The following ESR1 variants were observed in gnomAD, a reference collection of about 807,000 sequenced individuals.
ESR1 encodes the protein estrogen receptor 1, also known as estrogen receptor.
In ESR1, 12 loss-of-function variants were observed where a neutral mutation model predicts 52.7. That is an observed-to-expected ratio of 0.23 (90% CI 0.15 to 0.37). The LOEUF is 0.37. Ranked by LOEUF, ESR1 falls within the 10% of genes least tolerant of loss-of-function variation. ESR1 has a pLI of 1.00. For missense variants in ESR1, 584 were observed against 779.7 expected, an observed-to-expected ratio of 0.75 and a Z score of 2.99; for synonymous variants, 305 against 316.8, an observed-to-expected ratio of 0.96 and a Z score of 0.39.
chr6:151,776,919 G>GAGAT lies in ESR1; in HGVS notation c.-70-30922_-70-30919dup, dbSNP rs1429070506. Among the ~76,000 whole-genome samples, 9 of 151,834 alleles carry GAGAT rather than the reference G, an allele frequency of 5.9e-5. No homozygotes were observed. In the East Asian group the frequency reaches 1.5e-3, roughly 26 times the overall value. Reference sequence around the variant, plus strand: ...GCTGGAGAAGGCATTTTTTTATAGGGAGATATACGTGAGTTTGACGGGATG... The same window carrying GAGAT: ...GCTGGAGAAGGCATTTTTTTATAGGGAGATAGATATACGTGAGTTTGACGGGATG... On this transcript the variant is annotated intron_variant, in intron 2 of 2. Transcript: ENST00000404742.
At chr6:151,926,462 A>C (rs1211953024) in intron 3 of ESR1, among the ~76,000 whole-genome samples, 5 of 152,178 alleles carry the variant, frequency 3.3e-5, no homozygotes, top group African/African-American at 1.2e-4. Context: ...ATTGAATAAT[A>C]TGAACATGTA....
chr6:151,967,482 A>G (rs1188713451), intron 4 of ESR1, among the ~76,000 whole-genome samples: 2 of 152,028 alleles, frequency 1.3e-5, no homozygotes, highest in East Asian at 3.9e-4. Context: ...ATGGTTTCCA[A>G]CTTCATCCAT....
chr6:152,035,235 C>T (rs1235812555), intron 5 of ESR1, among the ~76,000 whole-genome samples: 2 of 151,630 alleles, frequency 1.3e-5, no homozygotes, highest in East Asian at 1.9e-4. Flanking sequence ...AATCAATATA[C>T]CAAAGATCAA....
At chr6:151,698,262 A>C (rs891626708) in intron 1 of ESR1, among the ~76,000 whole-genome samples, 6 of 151,896 alleles carry the variant, frequency 4.0e-5, no homozygotes, top group Non-Finnish European at 8.8e-5. Context: ...GCTACTTGAG[A>C]GGCTGAGGTG....
chr6:152,055,574 T>C (rs1365679845), intron 5 of ESR1, among the ~76,000 whole-genome samples: 1 of 152,232 alleles, frequency 6.6e-6, no homozygotes, highest in East Asian at 1.9e-4. Context: ...CCAAAAACTG[T>C]TGGTTCTTCC....
intron 2 of ESR1, among the ~76,000 whole-genome samples, chr6:151,872,760 C>G (rs1280780029): frequency 4.6e-5 from 7 of 152,146 alleles, no homozygotes; most frequent in Non-Finnish European, 8.8e-5. Flanking sequence ...CAAAGCATCA[C>G]TCAGGAGTCA....
At chr6:151,830,504 GCTCT>G (rs151011860) in intron 1 of ESR1, among the ~76,000 whole-genome samples, 1 of 150,738 alleles carries the variant, frequency 6.6e-6, no homozygotes, top group Admixed American at 6.6e-5. Flanking sequence ...TCAAATTGCA[GCTCT>G]CTCTCTCTCT....
chr6:152,127,717 T>C (rs1416787839), exon 7 of ESR1: 1 of 152,162 alleles, frequency 6.6e-6, no homozygotes, highest in Non-Finnish European at 1.5e-5. Flanking sequence ...GGCTCTGTGC[T>C]GAGGCTCTTT....
intron 2 of ESR1, among the ~76,000 whole-genome samples, chr6:151,778,153 G>C (rs565861678): frequency 3.9e-5 from 6 of 152,152 alleles, no homozygotes; most frequent in African/African-American, 1.4e-4. Context: ...TTTTTAAGAA[G>C]AGAAATGTTG....
chr6:151,785,354 G>T (rs375445115), intron 2 of ESR1, among the ~76,000 whole-genome samples: 1 of 152,156 alleles, frequency 6.6e-6, no homozygotes, highest in East Asian at 1.9e-4. Context: ...GTTCTGCCAA[G>T]AATTTATACT....
intron 6 of ESR1, among the ~76,000 whole-genome samples, chr6:152,091,606 G>A (rs1478800671): frequency 6.6e-6 from 1 of 152,118 alleles, no homozygotes; most frequent in Non-Finnish European, 1.5e-5. Flanking sequence ...ACCTTAAGGA[G>A]GATGGAACAT....
At chr6:151,836,203 G>T (rs778479932) in intron 1 of ESR1, among the ~76,000 whole-genome samples, 1 of 152,164 alleles carries the variant, frequency 6.6e-6, no homozygotes, top group Non-Finnish European at 1.5e-5. Flanking sequence ...GATATATTTA[G>T]CAAATATTTA....
intron 2 of ESR1, among the ~76,000 whole-genome samples, chr6:151,761,388 T>A (rs1784649733): frequency 6.6e-6 from 1 of 152,182 alleles, no homozygotes; most frequent in Non-Finnish European, 1.5e-5. Flanking sequence ...GCTCTGTCAT[T>A]CTTATTCCTA....
intron 2 of ESR1, among the ~76,000 whole-genome samples, chr6:151,787,052 A>G (rs965266116): frequency 6.6e-5 from 10 of 152,016 alleles, no homozygotes; most frequent in Non-Finnish European, 1.5e-4. Flanking sequence ...CAGTTGATCC[A>G]CCCCACTTGG....
chr6:151,963,148 T>C (rs1016022074), intron 4 of ESR1, among the ~76,000 whole-genome samples: 1 of 152,182 alleles, frequency 6.6e-6, no homozygotes, highest in African/African-American at 2.4e-5. Flanking sequence ...GTCATAAATA[T>C]TTGACCATCC....
intron 1 of ESR1, among the ~76,000 whole-genome samples, chr6:151,670,558 G>A (rs951639095): frequency 2.0e-5 from 3 of 150,476 alleles, no homozygotes; most frequent in African/African-American, 7.4e-5. Context: ...AGAAAAGTGG[G>A]AGGCAAGTCT....
Position 151,899,531 on chromosome 6 carries a change from C to T in ESR1, c.760+18760C>T, listed in dbSNP as rs577122157. On this transcript the variant is annotated intron_variant, in intron 3 of 7. Transcript: ENST00000206249. ...GCGGCTGGCCGGGCGGGGGGCTGAC[C>T]CCCCCACCTCCCTCCCGGACGGGGC... is the stretch of plus-strand genomic sequence containing the variant. 6.9e-5 allele frequency among the ~76,000 whole-genome samples: 10 copies of T among 145,152 alleles called. 1 individual carries two copies. In the South Asian group the frequency reaches 2.0e-3, roughly 29 times the overall value.
In ESR1 at chr6:152,029,550, G is replaced by A. The variant is rs149689837; in HGVS notation, c.1235+17756G>A. Among the ~76,000 whole-genome samples, 1,123 of 152,296 alleles carry A rather than the reference G, an allele frequency of 7.4e-3. 35 individuals are homozygous for A. The highest frequency in any genetic ancestry group is 0.051 in the Admixed American group (777 of 15,298). On this transcript the variant is annotated intron_variant, in intron 5 of 7. Transcript: ENST00000206249. ...GGAAGAAAGGTTATCAGTGATGGAA[G>A]ATCAAATGAATGAAATGAAGTGAGA...
upstream of ESR1, among the ~76,000 whole-genome samples, chr6:151,686,025 A>G (rs941266402): frequency 1.3e-5 from 2 of 149,866 alleles, no homozygotes; most frequent in African/African-American, 5.0e-5. Flanking sequence ...GGTAGCTGGG[A>G]CCACAGACAT....
Sources: allele counts gnomAD v4.1 joint callset (sites outside exome capture counted in the v4.1 genomes callset), GRCh38; gene constraint gnomAD v4.1.1; transcripts MANE v1.5; gene names NCBI Gene and HGNC (gene_info 2026-07-23, HGNC 2026-07-21).